PRRG1: variants seen among roughly 807,000 people sequenced by gnomAD.
PRRG1 encodes proline rich and Gla domain 1.
In PRRG1, 5 loss-of-function variants were observed where a neutral mutation model predicts 11.8. That is an observed-to-expected ratio of 0.42 (90% CI 0.22 to 0.89). The LOEUF is 0.89. PRRG1 is among the 40% of genes least tolerant of loss of function. The pLI, the probability that PRRG1 is intolerant of heterozygous loss-of-function variation, is 0.28. For missense variants in PRRG1, 155 were observed against 166.1 expected (o/e 0.93, Z 0.37); for synonymous variants, 66 against 60.4 (o/e 1.09, Z -0.43).
chrX:37,450,775 T>C (rs1921098052), intron 3 of PRRG1, among the ~76,000 whole-genome samples: 1 of 112,159 alleles, frequency 8.9e-6, no homozygotes, highest in Admixed American at 9.4e-5. Flanking sequence ...GAAAATTTAC[T>C]ATAGATCAGA....
chrX:37,405,282 T>C (rs1556381703), intron 1 of PRRG1, among the ~76,000 whole-genome samples: 1 of 112,022 alleles, frequency 8.9e-6, no homozygotes. Context: ...GAATTTATGA[T>C]AGGAAATGAT....
chrX:37,373,079 C>T (rs916632051), intron 1 of PRRG1, among the ~76,000 whole-genome samples: 29 of 111,830 alleles, frequency 2.6e-4, no homozygotes, highest in African/African-American at 9.4e-4. Context: ...GTGTTCTTGG[C>T]CCCTTTTTGA....
chrX:37,394,289 G>A (rs905457936), intron 1 of PRRG1, among the ~76,000 whole-genome samples: 12 of 112,103 alleles, frequency 1.1e-4, no homozygotes, highest in African/African-American at 3.9e-4. Context: ...AGAGCTCTTA[G>A]ATAGCCAAAG....
In PRRG1 at chrX:37,439,965, A is replaced by G. The variant is rs1222184076; in HGVS notation, c.172-13171A>G. On this transcript the variant is annotated intron_variant, in intron 3 of 3. Coordinates refer to ENST00000378628, the MANE Select transcript of PRRG1 (RefSeq NM_001142395.2). ...CATGTGCCTGCCACCATGCCCGGCTAATTTTTGTATTCTTGGTAGAGTCGG... is the reference window on the plus strand; with the variant it reads ...CATGTGCCTGCCACCATGCCCGGCTGATTTTTGTATTCTTGGTAGAGTCGG... Among the ~76,000 whole-genome samples, 4 of 108,866 alleles carry G rather than the reference A, an allele frequency of 3.7e-5. No individual in the cohort carries two copies. The East Asian group carries it at 1.2e-3, about 31-fold the overall frequency. 94.5% of individuals were successfully genotyped at this position (108,866 alleles called of 115,157 possible).
rs181740528 is a variant in PRRG1 at position 37,450,474 on chromosome X, A to T, written c.172-2662A>T. ...CTCTGTAATTTTTTCCAAAGGGGAA[A>T]GAATTAGACTAAAAATTTTTTATTT... On this transcript the variant is annotated intron_variant, in intron 3 of 3. Coordinates refer to ENST00000378628, the MANE Select transcript of PRRG1 (RefSeq NM_001142395.2). Among the ~76,000 whole-genome samples, 44 of 112,445 alleles carry T rather than the reference A, an allele frequency of 3.9e-4. 1 individual carries two copies. Among genetic ancestry groups the T allele is most frequent in the Middle Eastern group, 4.6e-3 (1 of 219 alleles).
intron 2 of PRRG1, among the ~76,000 whole-genome samples, chrX:37,411,025 A>G (rs531876950): frequency 8.9e-6 from 1 of 111,989 alleles, no homozygotes; most frequent in African/African-American, 3.2e-5. Flanking sequence ...GTATGTATAG[A>G]CTCACATAGC....
At chrX:37,413,372 TTGCCTTCTCAGATTGAAGAGAAAGA>T (rs1490213812) in intron 2 of PRRG1, among the ~76,000 whole-genome samples, 1 of 110,981 alleles carries the variant, frequency 9.0e-6, no homozygotes, top group African/African-American at 3.3e-5. Flanking sequence ...CTCTGTGATT[TTGCCTTCTCAGATTGAAGAGAAAGA>T]AGCCTTCTCA....
At chrX:37,435,727 GA>G (rs1216409685) in intron 3 of PRRG1, among the ~76,000 whole-genome samples, 4 of 109,058 alleles carry the variant, frequency 3.7e-5, no homozygotes, top group South Asian at 7.9e-4. Flanking sequence ...TCAAGGTCAT[GA>G]AAAAAAAATT....
chrX:37,403,754 C>A, intron 1 of PRRG1: 10 of 753,606 alleles, frequency 1.3e-5, no homozygotes, highest in Non-Finnish European at 1.6e-5. Context: ...ATGGAAAGAT[C>A]ATTCCATCAG....
chrX:37,440,667 G>A, intron 3 of PRRG1: 1 of 463,287 alleles, frequency 2.2e-6, no homozygotes, highest in East Asian at 3.7e-5. Flanking sequence ...AGTAAAATGG[G>A]ATAAATTAAT....
intron 2 of PRRG1, among the ~76,000 whole-genome samples, chrX:37,425,440 G>A (rs781903404): frequency 1.8e-5 from 2 of 111,702 alleles, no homozygotes; most frequent in South Asian, 7.5e-4. Flanking sequence ...TTATTTTTAG[G>A]TAGAGGGACA....
intron 3 of PRRG1, among the ~76,000 whole-genome samples, chrX:37,431,600 T>G (rs1433625998): frequency 8.9e-6 from 1 of 112,039 alleles, no homozygotes; most frequent in African/African-American, 3.2e-5. Flanking sequence ...ATGTTTTATT[T>G]TATTTTACTA....
intron 3 of PRRG1, among the ~76,000 whole-genome samples, chrX:37,450,385 T>C (rs1467683602): frequency 9.7e-6 from 1 of 102,653 alleles, no homozygotes; most frequent in Admixed American, 1.0e-4. Context: ...TAAAATCTGG[T>C]TTACTAATTC....
At chrX:37,367,303 A>G (rs1038948521) in intron 1 of PRRG1, among the ~76,000 whole-genome samples, 2 of 111,765 alleles carry the variant, frequency 1.8e-5, no homozygotes, top group Non-Finnish European at 3.8e-5. Context: ...GTAGATTTTG[A>G]TATGTATTTT....
chrX:37,387,033 A>G (rs1931351764), intron 1 of PRRG1, among the ~76,000 whole-genome samples: 1 of 111,866 alleles, frequency 8.9e-6, no homozygotes, highest in African/African-American at 3.3e-5. Flanking sequence ...CCCTCTGAGC[A>G]TCTTGATAAA....
intron 1 of PRRG1, among the ~76,000 whole-genome samples, chrX:37,370,988 A>G (rs1239667901): frequency 1.8e-5 from 2 of 111,493 alleles, no homozygotes; most frequent in Non-Finnish European, 3.8e-5. Context: ...CAGGAGGCAG[A>G]CAGGCTCCTG....
intron 1 of PRRG1, chrX:37,403,850 A>C (rs1282059714): frequency 1.7e-6 from 1 of 573,842 alleles, no homozygotes; most frequent in African/African-American, 2.6e-5. Flanking sequence ...TATCTCTCTA[A>C]GAAAATTGTC....
rs1326368801 is a variant in PRRG1, at chrX:37,368,816, A to T, written c.-42+19421A>T. Among the ~76,000 whole-genome samples the T allele has an allele frequency of 6.4e-5, 7 of 109,956 alleles. No individual in the cohort carries two copies. The Admixed American group carries it at 6.8e-4, about 11-fold the overall frequency. ...TATTTTTCCTATTGATACTCTAGCTATTCTTTTTTTTGTACTTTTTTTGAT... is the reference window on the plus strand; with the variant it reads ...TATTTTTCCTATTGATACTCTAGCTTTTCTTTTTTTTGTACTTTTTTTGAT... On this transcript the variant is annotated intron_variant, in intron 1 of 3. Coordinates refer to ENST00000378628, the MANE Select transcript of PRRG1 (RefSeq NM_001142395.2).
chrX:37,449,759 T>C (rs782324952), intron 3 of PRRG1, among the ~76,000 whole-genome samples: 2 of 112,807 alleles, frequency 1.8e-5, no homozygotes, highest in South Asian at 7.4e-4. Context: ...TAGTAATTCT[T>C]GTTTAGGCAC....
Sources: allele counts gnomAD v4.1 joint callset (sites outside exome capture counted in the v4.1 genomes callset), GRCh38; gene constraint gnomAD v4.1.1; transcripts MANE v1.5; gene names NCBI Gene and HGNC (gene_info 2026-07-23, HGNC 2026-07-21).